The following LMBR1 variants were observed in gnomAD, a reference collection of about 807,000 sequenced individuals.
The protein encoded by LMBR1 is limb region 1 protein homolog.
In LMBR1, 52 loss-of-function variants were observed where a neutral mutation model predicts 73.9. The ratio of observed to expected loss-of-function variants is 0.70; its 90% CI spans 0.56 to 0.89. The LOEUF (loss-of-function observed/expected upper bound fraction) is 0.89, where lower values mean the gene tolerates loss of function less well. LMBR1 is among the 40% of genes least tolerant of loss of function. The pLI is 0.00. For missense variants in LMBR1, 539 were observed against 579.8 expected (o/e 0.93, Z 0.72); for synonymous variants, 215 against 209.4 (o/e 1.03, Z -0.23).
At chr7:156,813,060 T>C (rs781544474) in intron 4 of LMBR1, among the ~76,000 whole-genome samples, 7 of 152,244 alleles carry the variant, frequency 4.6e-5, no homozygotes, top group Non-Finnish European at 8.8e-5. Context: ...CCAGACTATT[T>C]AGCTTTTAAA....
At chr7:156,719,676 A>G (rs1412542212) in intron 15 of LMBR1, among the ~76,000 whole-genome samples, 2 of 152,118 alleles carry the variant, frequency 1.3e-5, no homozygotes, top group Non-Finnish European at 2.9e-5. Flanking sequence ...ACAAAGCTGG[A>G]GGCATCATGC....
At chr7:156,881,600 ATATC>A (rs1228497621) in intron 1 of LMBR1, among the ~76,000 whole-genome samples, 4 of 152,188 alleles carry the variant, frequency 2.6e-5, no homozygotes, top group Admixed American at 1.3e-4. Context: ...AATATCCAAA[ATATC>A]TAAGAAACTC....
intron 1 of LMBR1, among the ~76,000 whole-genome samples, chr7:156,856,167 C>T (rs2134135807): frequency 6.6e-6 from 1 of 152,052 alleles, no homozygotes; most frequent in East Asian, 1.9e-4. Context: ...TGCACTCCAG[C>T]CAGGGCGACA....
rs1828774310 is a variant in LMBR1 at position 156,789,326 on chromosome 7, T to C, written c.423+7063A>G. On this transcript the variant is annotated intron_variant, in intron 5 of 16. Coordinates refer to ENST00000353442, the MANE Select transcript of LMBR1 (RefSeq NM_022458.4). ...AACAATACAACCTTGTCTTTCTCGA[T>C]GAGAATTTCCTTTCTTTAACGTAAA... Among the ~76,000 whole-genome samples, 6 of 152,216 alleles carry C rather than the reference T, an allele frequency of 3.9e-5. No homozygotes were observed. In the South Asian group the frequency reaches 1.2e-3, roughly 32 times the overall value.
chr7:156,794,115 C>T (rs1177335086), intron 5 of LMBR1, among the ~76,000 whole-genome samples: 1 of 152,212 alleles, frequency 6.6e-6, no homozygotes, highest in African/African-American at 2.4e-5. Flanking sequence ...GCTCCACCTT[C>T]TGCTGTGTTT....
At chr7:156,808,233 T>C (rs1046244660) in intron 4 of LMBR1, among the ~76,000 whole-genome samples, 3 of 152,194 alleles carry the variant, frequency 2.0e-5, no homozygotes, top group Non-Finnish European at 4.4e-5. Context: ...ATTGTGATTC[T>C]GACTACACTT....
chr7:156,747,461 T>C (rs1754597736), intron 9 of LMBR1, among the ~76,000 whole-genome samples: 1 of 152,182 alleles, frequency 6.6e-6, no homozygotes, highest in Non-Finnish European at 1.5e-5. Flanking sequence ...ACAGCCTTCA[T>C]ATATAAAAGG....
chr7:156,776,775 C>T (rs959839354), intron 5 of LMBR1, among the ~76,000 whole-genome samples: 8 of 152,122 alleles, frequency 5.3e-5, no homozygotes, highest in Admixed American at 4.6e-4. Flanking sequence ...TTCAACAATC[C>T]CCTGGCGCCT....
At chr7:156,697,415 C>G (rs543997984) in intron 15 of LMBR1, among the ~76,000 whole-genome samples, 1 of 152,108 alleles carries the variant, frequency 6.6e-6, no homozygotes, top group African/African-American at 2.4e-5. Flanking sequence ...ACAAATTTAC[C>G]AGGGCGGAGT....
chr7:156,888,914 T>C (rs752495049), intron 1 of LMBR1, among the ~76,000 whole-genome samples: 1 of 151,656 alleles, frequency 6.6e-6, no homozygotes, highest in African/African-American at 2.4e-5. Flanking sequence ...ATTAGCCAAG[T>C]GCGGTGGCGC....
chr7:156,805,480 C>T (rs549764747), intron 4 of LMBR1, among the ~76,000 whole-genome samples: 64 of 152,166 alleles, frequency 4.2e-4, no homozygotes, highest in Middle Eastern at 3.4e-3. Context: ...CCTCCCAAAG[C>T]GCTGGGATTA....
chr7:156,772,757 A>C (rs541233172), intron 5 of LMBR1, among the ~76,000 whole-genome samples: 23 of 151,906 alleles, frequency 1.5e-4, no homozygotes, highest in African/African-American at 5.5e-4. Flanking sequence ...CTGAGGCAGG[A>C]GAATAGCTTG....
intron 4 of LMBR1, among the ~76,000 whole-genome samples, chr7:156,814,129 G>A (rs1440060933): frequency 4.6e-5 from 7 of 152,102 alleles, no homozygotes; most frequent in African/African-American, 1.7e-4. Flanking sequence ...TCTTAAAAGA[G>A]ACTCAATAAA....
At chr7:156,800,769 G>C (rs1830832883) in intron 4 of LMBR1, among the ~76,000 whole-genome samples, 1 of 152,162 alleles carries the variant, frequency 6.6e-6, no homozygotes, top group East Asian at 1.9e-4. Flanking sequence ...ATGCCATTAA[G>C]AATATCTGTG....
chr7:156,770,513 CAAAT>C (rs1181435733), intron 5 of LMBR1, among the ~76,000 whole-genome samples: 5 of 151,770 alleles, frequency 3.3e-5, no homozygotes, highest in South Asian at 2.1e-4. Flanking sequence ...TTCAGATGCT[CAAAT>C]AAATGAGTTT....
Position 156,836,799 on chromosome 7 carries a change from A to G in LMBR1, c.139+14T>C. 6.5e-7 allele frequency: 1 copy of G among 1,531,344 alleles called. No homozygotes were observed. Among genetic ancestry groups the G allele is most frequent in the South Asian group, 1.2e-5 (1 of 84,020 alleles). The allele number at this position is 1,531,344 out of a possible 1,614,324, so 94.9% of individuals were successfully genotyped here. On this transcript the variant is annotated intron_variant, in intron 2 of 16. Transcript: ENST00000353442. ...CATTCTAACAAAGGTTTTAATTGAC[A>G]TGTTTCCACTTGCCTGATTTTCTCT...
At chr7:156,750,027 A>ATGG (rs1247845689) in intron 9 of LMBR1, among the ~76,000 whole-genome samples, 2 of 152,220 alleles carry the variant, frequency 1.3e-5, no homozygotes, top group African/African-American at 4.8e-5. Context: ...GAAATGATAC[A>ATGG]CTAACTTTTT....
chr7:156,789,751 G>A lies in LMBR1; in HGVS notation c.423+6638C>T, dbSNP rs953160721. ...TAATGACTTAAGAAGCTCTCTAGTA[G>A]CACTAAATCTGACATTTAATTTTCC... On this transcript the variant is annotated intron_variant, in intron 5 of 16. Coordinates refer to ENST00000353442, the MANE Select transcript of LMBR1 (RefSeq NM_022458.4). Among the ~76,000 whole-genome samples, 17 of 152,164 alleles carry A rather than the reference G, an allele frequency of 1.1e-4. No individual in the cohort carries two copies. The highest frequency in any genetic ancestry group is 3.9e-4 in the African/African-American group (16 of 41,432).
chr7:156,765,674 AAC>A (rs1319574504), intron 5 of LMBR1, among the ~76,000 whole-genome samples: 1 of 152,170 alleles, frequency 6.6e-6, no homozygotes, highest in East Asian at 1.9e-4. Context: ...TCTATCAATA[AAC>A]AGACAAAAGG....
Sources: allele counts gnomAD v4.1 joint callset (sites outside exome capture counted in the v4.1 genomes callset), GRCh38; gene constraint gnomAD v4.1.1; transcripts MANE v1.5; gene names NCBI Gene and HGNC (gene_info 2026-07-23, HGNC 2026-07-21).